ANO3: variants seen among roughly 807,000 people sequenced by gnomAD.
The protein encoded by ANO3 is anoctamin-3.
ANO3 carries 99 observed loss-of-function variants against 144.8 expected under a neutral mutation model. The observed-to-expected ratio is 0.68, with a 90% CI of 0.58 to 0.81. The LOEUF (loss-of-function observed/expected upper bound fraction) is 0.81. ANO3 is among the 30% of genes least tolerant of loss of function. ANO3 has a pLI of 0.00. For missense variants in ANO3, 905 were observed against 1,202.2 expected (o/e 0.75, Z 3.66); for synonymous variants, 414 against 392.6 (o/e 1.05, Z -0.64).
At chr11:26,504,953 A>G (rs1485687848) in intron 4 of ANO3, among the ~76,000 whole-genome samples, 1 of 128,572 alleles carries the variant, frequency 7.8e-6, no homozygotes, top group Non-Finnish European at 1.6e-5. Context: ...CGGAGCTTGC[A>G]GTGAGTGGAG....
chr11:26,197,343 TG>T (rs1237714489), intron 1 of ANO3, among the ~76,000 whole-genome samples: 8 of 151,940 alleles, frequency 5.3e-5, no homozygotes, highest in African/African-American at 2.4e-5. Flanking sequence ...TTAATATTTT[TG>T]TTTTTGTTTT....
At chr11:26,230,896 T>A (rs112260778) in intron 1 of ANO3, among the ~76,000 whole-genome samples, 44,277 of 145,412 alleles carry the variant, frequency 0.3, 7,876 homozygotes, top group Non-Finnish European at 0.37. Flanking sequence ...TCTTTTTTTT[T>A]TTTTTTCTTT....
intron 14 of ANO3, among the ~76,000 whole-genome samples, chr11:26,589,113 C>A (rs1249837454): frequency 6.6e-6 from 1 of 152,222 alleles, no homozygotes; most frequent in African/African-American, 2.4e-5. Context: ...ACCAGCCAGG[C>A]ATTGTGGGTG....
chr11:26,563,212 C>A, intron 14 of ANO3: 1 of 1,612,160 alleles, frequency 6.2e-7, no homozygotes, highest in Admixed American at 1.7e-5. Flanking sequence ...AGCAATGAGA[C>A]ACCCAGAATA....
chr11:26,499,336 T>C (rs939027656), intron 4 of ANO3, among the ~76,000 whole-genome samples: 4 of 151,838 alleles, frequency 2.6e-5, no homozygotes, highest in Non-Finnish European at 5.9e-5. Flanking sequence ...CTGGTGCTGA[T>C]GCTTTTTATT....
chr11:26,546,051 T>A (rs535898197), intron 11 of ANO3, among the ~76,000 whole-genome samples: 73 of 151,912 alleles, frequency 4.8e-4, no homozygotes, highest in Non-Finnish European at 9.3e-4. Flanking sequence ...ACTGTCTATA[T>A]CAGCTGATTT....
chr11:26,306,176 G>A (rs1241814144), upstream of ANO3, among the ~76,000 whole-genome samples: 3 of 143,508 alleles, frequency 2.1e-5, no homozygotes, highest in Admixed American at 7.2e-5. Context: ...GGGTTTCACC[G>A]TGTTAGCCAG....
At chr11:26,535,504 A>C (rs1317925390) in intron 9 of ANO3, among the ~76,000 whole-genome samples, 4 of 151,790 alleles carry the variant, frequency 2.6e-5, no homozygotes, top group Non-Finnish European at 5.9e-5. Context: ...AACTGGTACC[A>C]ATCTCTACTG....
At chr11:26,194,594 G>T (rs892467106) in intron 1 of ANO3, among the ~76,000 whole-genome samples, 16 of 151,642 alleles carry the variant, frequency 1.1e-4, no homozygotes, top group Admixed American at 3.3e-4. Context: ...TCTGCCTCCC[G>T]GGTGCAAGGA....
In ANO3 at chr11:26,563,242, A is replaced by T. The variant is rs372461913; in HGVS notation, c.1447+3463A>T. On this transcript the variant is annotated intron_variant, in intron 14 of 26. Coordinates refer to ENST00000256737, the MANE Select transcript of ANO3 (RefSeq NM_031418.4). ...AGAATAGCACCTAAAATGGCCCCGA[A>T]TACTATTCCTGTATTTCTATTTTCT... is the stretch of plus-strand genomic sequence containing the variant. 3 of 1,606,764 alleles carry T rather than the reference A, an allele frequency of 1.9e-6. No homozygotes were observed. In the Admixed American group the frequency reaches 5.1e-5, roughly 27 times the overall value.
At chr11:26,299,030 G>A (rs548393488) in intron 1 of ANO3, among the ~76,000 whole-genome samples, 8 of 152,306 alleles carry the variant, frequency 5.3e-5, no homozygotes, top group East Asian at 1.9e-4. Flanking sequence ...GGAGATGTAC[G>A]TTTAGGAAGT....
chr11:26,611,065 T>C (rs1489568233), intron 17 of ANO3, among the ~76,000 whole-genome samples: 1 of 152,158 alleles, frequency 6.6e-6, no homozygotes, highest in Non-Finnish European at 1.5e-5. Flanking sequence ...TCATATTTGT[T>C]AATCTTTTCA....
intron 1 of ANO3, among the ~76,000 whole-genome samples, chr11:26,301,951 A>G (rs1854243506): frequency 1.3e-5 from 2 of 152,342 alleles, no homozygotes; most frequent in South Asian, 4.1e-4. Flanking sequence ...CATTTATGGT[A>G]AAAATGATAG....
At position 26,367,491 on chromosome 11, in the gene ANO3, A is replaced by C. The variant is rs144704383; in HGVS notation, c.46+35170A>C. On this transcript the variant is annotated intron_variant, in intron 1 of 26. Coordinates refer to ENST00000256737, the MANE Select transcript of ANO3 (RefSeq NM_031418.4). ...ATTTAATCACCCTCCGAGAAGTTCC[A>C]AACTTTCCCTCATCTGTCTTCTTCT... 8.5e-4 allele frequency among the ~76,000 whole-genome samples: 130 copies of C among 152,162 alleles called. 1 individual carries two copies. The highest frequency in any genetic ancestry group is 3.0e-3 in the African/African-American group (124 of 41,536).
intron 4 of ANO3, among the ~76,000 whole-genome samples, chr11:26,502,166 A>G (rs10767539): frequency 2.0e-5 from 3 of 152,008 alleles, no homozygotes; most frequent in Admixed American, 2.0e-4. Context: ...TAAAAGGGTT[A>G]ATTTGGATTA....
chr11:26,303,400 A>G (rs1006234345), intron 1 of ANO3, among the ~76,000 whole-genome samples: 5 of 152,184 alleles, frequency 3.3e-5, no homozygotes, highest in Non-Finnish European at 7.4e-5. Flanking sequence ...CGCAGCAACA[A>G]AGATGCAACT....
chr11:26,553,044 T>A lies in ANO3; in HGVS notation c.1290-205T>A, dbSNP rs395397. Among the ~76,000 whole-genome samples the A allele has an allele frequency of 0.74, 100,001 of 135,640 alleles. 33,254 individuals are homozygous for A. Among genetic ancestry groups the A allele is most frequent in the East Asian group, 0.85 (4,258 of 4,990 alleles). 89.0% of individuals were successfully genotyped at this position (135,640 alleles called of 152,430 possible). On this transcript the variant is annotated intron_variant, in intron 12 of 26. Coordinates refer to ENST00000256737, the MANE Select transcript of ANO3 (RefSeq NM_031418.4). ...GCATTTTCTAAAATTAAAGAAGGAA[T>A]CCCAAACTTTTGCATCACAAATATT...
At chr11:26,525,479 T>A (rs1849138379) in intron 6 of ANO3, among the ~76,000 whole-genome samples, 156 bp from the exon 7 acceptor site, 1 of 152,074 alleles carries the variant, frequency 6.6e-6, no homozygotes, top group Non-Finnish European at 1.5e-5. Context: ...AGGTTGATAT[T>A]CCTCATAGTA....
intron 1 of ANO3, among the ~76,000 whole-genome samples, chr11:26,384,744 CT>C (rs1271334222): frequency 6.6e-6 from 1 of 152,152 alleles, no homozygotes; most frequent in African/African-American, 2.4e-5. Context: ...TCTCACTGGC[CT>C]TTGTGCTTAT....
Sources: gnomAD v4.1 joint callset for allele counts (sites outside exome capture counted in the v4.1 genomes callset) on GRCh38, gnomAD v4.1.1 for gene constraint, MANE v1.5 for transcripts, NCBI Gene and HGNC (gene_info 2026-07-23, HGNC 2026-07-21) for gene names.